Variants in SGCZ observed in about 807,000 individuals in gnomAD.
The protein encoded by SGCZ is zeta-sarcoglycan.
Under a neutral mutation model 41.3 loss-of-function variants are expected in SGCZ, and 40 were observed. That is an observed-to-expected ratio of 0.97 (90% CI 0.75 to 1.26). The LOEUF (loss-of-function observed/expected upper bound fraction) is 1.26, where lower values mean the gene tolerates loss of function less well. Among genes scored for constraint, SGCZ ranks in the 50% most tolerant of loss-of-function variants. The pLI is 0.00. For missense variants in SGCZ, 552 were observed against 369.8 expected (o/e 1.49, Z -4.04); for synonymous variants, 206 against 137.5 (o/e 1.50, Z -3.49).
rs1802265334 is a variant in SGCZ, at chr8:14,108,184, G to A, written c.599C>T (p.Ala200Val). 6 of 1,614,108 alleles carry A rather than the reference G, an allele frequency of 3.7e-6. No individual in the cohort carries two copies. Among genetic ancestry groups the A allele is most frequent in the East Asian group, 2.2e-5 (1 of 44,870 alleles). ...GHSVETPHIR[A>V]EPSQDLRLES... ...TTACCTGAGATCTTGGGATGGCTCT[G>A]CTCTGATGTGCGGCGTCTCCACAGA... The change falls in exon 6 of 8, where the codon GCA becomes GTA. Residue 200 changes from alanine (A) to valine (V), a missense_variant. By Grantham distance (64) the Ala-to-Val change is moderately conservative. Transcript: ENST00000382080.
At chr8:14,451,427 G>A (rs1220165362) in intron 2 of SGCZ, among the ~76,000 whole-genome samples, 1 of 152,070 alleles carries the variant, frequency 6.6e-6, no homozygotes, top group Non-Finnish European at 1.5e-5. Flanking sequence ...GAAACAGACG[G>A]TCTCCTTATA....
At chr8:14,675,561 G>A (rs1427418990) in intron 1 of SGCZ, among the ~76,000 whole-genome samples, 1 of 151,968 alleles carries the variant, frequency 6.6e-6, no homozygotes, top group African/African-American at 2.4e-5. Flanking sequence ...CAATTTATAT[G>A]AGAAAATATG....
rs181009950 is a variant in SGCZ, at chr8:14,938,709, A to G, written c.39+298876T>C. ...AATAATACCTTTTGCAGCAACTTGG[A>G]TGGAGCTGGAGGCCATTATTCTAAG... On this transcript the variant is annotated intron_variant, in intron 1 of 7. Coordinates refer to ENST00000382080, the MANE Select transcript of SGCZ (RefSeq NM_139167.4). Among the ~76,000 whole-genome samples, 7 of 152,246 alleles carry G rather than the reference A, an allele frequency of 4.6e-5. No individual in the cohort carries two copies. The East Asian group carries it at 1.4e-3, about 29-fold the overall frequency.
intron 1 of SGCZ, among the ~76,000 whole-genome samples, chr8:14,581,270 C>A (rs1269997482): frequency 1.3e-5 from 2 of 151,832 alleles, no homozygotes; most frequent in Non-Finnish European, 2.9e-5. Context: ...ACAACACCTG[C>A]CTGATTTTTG....
At chr8:14,939,333 G>C (rs140663158) in intron 1 of SGCZ, among the ~76,000 whole-genome samples, 71 of 152,202 alleles carry the variant, frequency 4.7e-4, no homozygotes, top group Middle Eastern at 3.4e-3. Flanking sequence ...AGCTCAAACT[G>C]TTAAGCATCT....
chr8:15,229,484 T>C (rs1374957940), intron 1 of SGCZ, among the ~76,000 whole-genome samples: 1 of 152,192 alleles, frequency 6.6e-6, no homozygotes, highest in Non-Finnish European at 1.5e-5. Context: ...CTATTGATTT[T>C]ATGGTGGAAA....
At chr8:14,723,984 G>T (rs1809973077) in intron 1 of SGCZ, among the ~76,000 whole-genome samples, 1 of 152,040 alleles carries the variant, frequency 6.6e-6, no homozygotes, top group South Asian at 2.1e-4. Flanking sequence ...TAATTCTTAA[G>T]CAGAAGGAAT....
intron 5 of SGCZ, among the ~76,000 whole-genome samples, chr8:14,131,883 A>C (rs955112859): frequency 6.6e-6 from 1 of 152,264 alleles, no homozygotes; most frequent in East Asian, 1.9e-4. Flanking sequence ...CAGCTTTGTA[A>C]CCTAGGAGCA....
chr8:14,441,658 A>C (rs551418450), intron 2 of SGCZ, among the ~76,000 whole-genome samples: 18 of 152,336 alleles, frequency 1.2e-4, no homozygotes, highest in Non-Finnish European at 8.8e-5. Flanking sequence ...TTTCAGATTC[A>C]TATCTCAAGG....
At chr8:14,266,929 G>T (rs187751796) in intron 3 of SGCZ, among the ~76,000 whole-genome samples, 47 of 152,198 alleles carry the variant, frequency 3.1e-4, no homozygotes, top group Admixed American at 1.7e-3. Context: ...GAGCTAGAAT[G>T]AATTTCTTTT....
chr8:14,208,969 T>C (rs1805707226), intron 4 of SGCZ, among the ~76,000 whole-genome samples: 2 of 152,244 alleles, frequency 1.3e-5, no homozygotes, highest in South Asian at 4.1e-4. Context: ...GCTGCAGACA[T>C]GGACAAACAA....
At chr8:14,398,093 C>T (rs1434436541) in intron 2 of SGCZ, among the ~76,000 whole-genome samples, 1 of 152,048 alleles carries the variant, frequency 6.6e-6, no homozygotes, top group Non-Finnish European at 1.5e-5. Context: ...TTGTGACCCT[C>T]AATTGACATC....
At chr8:14,217,236 C>T (rs915284839) in intron 4 of SGCZ, among the ~76,000 whole-genome samples, 2 of 131,258 alleles carry the variant, frequency 1.5e-5, no homozygotes, top group African/African-American at 5.7e-5. Flanking sequence ...GCAGAGGTTG[C>T]AGTGAGCCGA....
At chr8:15,218,113 T>A (rs1465852205) in intron 1 of SGCZ, among the ~76,000 whole-genome samples, 2 of 152,234 alleles carry the variant, frequency 1.3e-5, no homozygotes, top group Non-Finnish European at 2.9e-5. Flanking sequence ...TGTGATTTTC[T>A]ATTCTATTAA....
chr8:14,247,954 A>G (rs1799163559), intron 3 of SGCZ, among the ~76,000 whole-genome samples: 2 of 152,218 alleles, frequency 1.3e-5, no homozygotes, highest in African/African-American at 4.8e-5. Flanking sequence ...TTTATATAGA[A>G]AAATAGACAA....
intron 1 of SGCZ, among the ~76,000 whole-genome samples, chr8:14,761,660 G>A (rs1312265607): frequency 6.6e-6 from 1 of 151,356 alleles, no homozygotes; most frequent in African/African-American, 2.4e-5. Context: ...AGATTAGCTG[G>A]GATTACCGGT....
At chr8:14,310,216 A>G (rs1801490070) in intron 3 of SGCZ, among the ~76,000 whole-genome samples, 1 of 152,100 alleles carries the variant, frequency 6.6e-6, no homozygotes, top group South Asian at 2.1e-4. Context: ...TGATAGTATT[A>G]GTGATTCTGA....
intron 1 of SGCZ, among the ~76,000 whole-genome samples, chr8:14,876,388 T>C (rs1358122653): frequency 3.3e-5 from 5 of 152,112 alleles, no homozygotes; most frequent in Non-Finnish European, 7.4e-5. Context: ...AATATCAACT[T>C]TGAGAAAGAC....
intron 1 of SGCZ, among the ~76,000 whole-genome samples, chr8:14,939,640 A>C (rs1011178384): frequency 1.3e-5 from 2 of 152,216 alleles, no homozygotes; most frequent in Admixed American, 6.5e-5. Flanking sequence ...GACAACTGAC[A>C]GATTAGTATT....
Sources: gnomAD v4.1 joint callset for allele counts (sites outside exome capture counted in the v4.1 genomes callset) on GRCh38, gnomAD v4.1.1 for gene constraint, MANE v1.5 for transcripts, NCBI Gene and HGNC (gene_info 2026-07-23, HGNC 2026-07-21) for gene names.